MTA3: variants seen among roughly 807,000 people sequenced by gnomAD.
MTA3 encodes metastasis-associated protein MTA3.
A neutral mutation model predicts 83.5 loss-of-function variants in MTA3; 34 were observed. The observed-to-expected ratio is 0.41, with a 90% CI of 0.31 to 0.54. MTA3 has a LOEUF of 0.54. Among genes scored for constraint, MTA3 ranks in the 20% least tolerant of loss-of-function variants. MTA3 has a pLI of 0.33. For missense variants in MTA3, 761 were observed against 726.4 expected, an observed-to-expected ratio of 1.05 and a Z score of -0.55; for synonymous variants, 303 against 252.7, an observed-to-expected ratio of 1.20 and a Z score of -1.89.
intron 2 of MTA3, among the ~76,000 whole-genome samples, chr2:42,561,429 T>A (rs1229053828): frequency 6.6e-6 from 1 of 152,068 alleles, no homozygotes; most frequent in East Asian, 1.9e-4. Flanking sequence ...TTCAAGCGAT[T>A]CTCCTGCCTC....
chr2:42,572,385 A>G lies in MTA3; in HGVS notation c.96+1881A>G, dbSNP rs1019529420. 2.0e-5 allele frequency among the ~76,000 whole-genome samples: 3 copies of G among 151,802 alleles called. No individual in the cohort carries two copies. The East Asian group carries it at 5.8e-4, about 29-fold the overall frequency. ...GATCCTTTGAGTCCAGGAGTTCCAG[A>G]CTAGCCTGGGTAACATAGGGAAACC... On this transcript the variant is annotated intron_variant, in intron 2 of 16. Coordinates refer to ENST00000405094, the MANE Select transcript of MTA3 (RefSeq NM_001330442.2).
intron 2 of MTA3, among the ~76,000 whole-genome samples, chr2:42,527,617 A>G (rs1421189847): frequency 2.0e-5 from 3 of 152,156 alleles, no homozygotes; most frequent in Non-Finnish European, 2.9e-5. Context: ...ATACCTGACC[A>G]GTACTCCTCA....
At position 42,660,905 on chromosome 2, in the gene MTA3, T is replaced by A. The variant is rs11687926; in HGVS notation, c.702+1043T>A. Among the ~76,000 whole-genome samples, 767 of 152,278 alleles carry A rather than the reference T, an allele frequency of 5.0e-3. 3 individuals carry two copies. The highest frequency in any genetic ancestry group is 9.5e-3 in the South Asian group (46 of 4,828). ...GTGATTGCCCAGGCTGGTCTTGAAC[T>A]CCTCCTGGCTTTAAAGCAGTCCTCT... On this transcript the variant is annotated intron_variant, in intron 8 of 16. Transcript: ENST00000405094.
chr2:42,527,539 T>C (rs538155059), intron 2 of MTA3, among the ~76,000 whole-genome samples: 1 of 152,276 alleles, frequency 6.6e-6, no homozygotes, highest in South Asian at 2.1e-4. Flanking sequence ...GGCCCTTATA[T>C]TCTAGGGGTG....
intron 12 of MTA3, among the ~76,000 whole-genome samples, chr2:42,706,216 G>A (rs1002055047): frequency 3.3e-5 from 5 of 151,980 alleles, no homozygotes; most frequent in Non-Finnish European, 4.4e-5. Flanking sequence ...CATGGCACAT[G>A]TATACATATG....
At chr2:42,741,763 C>G (rs1002151153) in intron 16 of MTA3, among the ~76,000 whole-genome samples, 1 of 151,740 alleles carries the variant, frequency 6.6e-6, no homozygotes, top group African/African-American at 2.4e-5. Flanking sequence ...GCTTGTGGCC[C>G]AAAACAATTA....
chr2:42,553,888 GA>G (rs34426567), intron 2 of MTA3, among the ~76,000 whole-genome samples: 97,301 of 124,692 alleles, frequency 0.78, 37,409 homozygotes, highest in African/African-American at 0.91. Flanking sequence ...AAAAAAAAAA[GA>G]AAAAAAAACG....
At chr2:42,723,686 G>T (rs1369776025) in intron 16 of MTA3, among the ~76,000 whole-genome samples, 1 of 152,054 alleles carries the variant, frequency 6.6e-6, no homozygotes, top group East Asian at 1.9e-4. Context: ...AATCATCCAG[G>T]CAGTATATGT....
intron 2 of MTA3, among the ~76,000 whole-genome samples, chr2:42,554,032 G>C (rs1345929692): frequency 1.3e-5 from 2 of 151,898 alleles, no homozygotes; most frequent in African/African-American, 2.4e-5. Context: ...TCAGGAGTTT[G>C]AGACCAGCCT....
At chr2:42,678,538 A>G (rs1229612054) in intron 8 of MTA3, among the ~76,000 whole-genome samples, 3 of 152,096 alleles carry the variant, frequency 2.0e-5, no homozygotes, top group East Asian at 1.9e-4. Flanking sequence ...CATATTGGCC[A>G]GGCTGGTCTC....
chr2:42,616,506 AT>A (rs1684906805), intron 4 of MTA3, among the ~76,000 whole-genome samples: 4 of 138,176 alleles, frequency 2.9e-5, no homozygotes. Context: ...TTTACATTTA[AT>A]TTTGCTTTTA....
intron 14 of MTA3, among the ~76,000 whole-genome samples, chr2:42,711,050 G>T (rs1379571473): frequency 6.6e-6 from 1 of 152,154 alleles, no homozygotes; most frequent in Non-Finnish European, 1.5e-5. Context: ...CCGCACTCCA[G>T]CCTGGGCAAC....
rs1675838601 is a variant in MTA3, at chr2:42,528,942, G to T, written c.-141+33688G>T. Among the ~76,000 whole-genome samples the T allele has an allele frequency of 1.3e-5, 2 of 152,142 alleles. 1 individual carries two copies. Among genetic ancestry groups the T allele is most frequent in the Admixed American group, 1.3e-4 (2 of 15,258 alleles). On this transcript the variant is annotated intron_variant, in intron 2 of 17. Coordinates refer to the MTA3 transcript ENST00000405592. ...CTGCAGCGTTTGCCTTATTTGAATA[G>T]GGTTCAAACATTTGGTTACCTTTGT...
intron 4 of MTA3, among the ~76,000 whole-genome samples, chr2:42,628,825 G>T (rs1407541780): frequency 2.0e-5 from 3 of 149,832 alleles, no homozygotes; most frequent in African/African-American, 7.4e-5. Context: ...AGTGTTTGAA[G>T]GGAAATTTTT....
chr2:42,583,555 A>T (rs1443401734), intron 3 of MTA3, among the ~76,000 whole-genome samples: 2 of 152,082 alleles, frequency 1.3e-5, no homozygotes, highest in Non-Finnish European at 2.9e-5. Flanking sequence ...ATTTTTTGAG[A>T]TAGAGTCTTG....
At chr2:42,600,740 C>T (rs553752101) in intron 3 of MTA3, among the ~76,000 whole-genome samples, 1 of 152,108 alleles carries the variant, frequency 6.6e-6, no homozygotes, top group South Asian at 2.1e-4. Context: ...GGGGTTTCGC[C>T]ATGTTGGCCA....
At chr2:42,537,643 G>A (rs1676307611) in intron 2 of MTA3, among the ~76,000 whole-genome samples, 1 of 152,112 alleles carries the variant, frequency 6.6e-6, no homozygotes, top group African/African-American at 2.4e-5. Context: ...AAATGGTTCT[G>A]GATTAGAAGA....
At chr2:42,608,422 A>G (rs1003914352) in intron 3 of MTA3, among the ~76,000 whole-genome samples, 1 of 152,216 alleles carries the variant, frequency 6.6e-6, no homozygotes, top group African/African-American at 2.4e-5. Flanking sequence ...AAATTGCTTT[A>G]TTCTTGCTTT....
intron 3 of MTA3, among the ~76,000 whole-genome samples, chr2:42,603,841 C>G (rs561551663): frequency 6.6e-6 from 1 of 152,166 alleles, no homozygotes; most frequent in Non-Finnish European, 1.5e-5. Context: ...AGCCCCGCCT[C>G]CCGGCTTCAC....
Sources: allele counts gnomAD v4.1 joint callset (sites outside exome capture counted in the v4.1 genomes callset), GRCh38; gene constraint gnomAD v4.1.1; transcripts MANE v1.5; gene names NCBI Gene and HGNC (gene_info 2026-07-23, HGNC 2026-07-21).